The following GPHN variants were observed in gnomAD, a reference collection of about 807,000 sequenced individuals.
GPHN encodes the protein gephyrin.
A neutral mutation model predicts 95.5 loss-of-function variants in GPHN; 17 were observed. The ratio of observed to expected loss-of-function variants is 0.18; its 90% CI spans 0.12 to 0.27. The LOEUF (loss-of-function observed/expected upper bound fraction) is 0.27, where lower values mean the gene tolerates loss of function less well. GPHN is among the 10% of genes least tolerant of loss of function. The pLI, the probability that GPHN is intolerant of heterozygous loss-of-function variation, is 1.00. For synonymous variants in GPHN, 320 were observed against 322.5 expected, an observed-to-expected ratio of 0.99 and a Z score of 0.08; for missense variants, 660 against 978.1, an observed-to-expected ratio of 0.67 and a Z score of 4.34.
intron 5 of GPHN, among the ~76,000 whole-genome samples, chr14:66,880,603 C>T (rs567722471): frequency 1.3e-5 from 2 of 151,704 alleles, no homozygotes; most frequent in Admixed American, 6.6e-5. Context: ...AGCTTATATT[C>T]CAATTTATAA....
At chr14:66,929,796 C>G (rs1218943790) in intron 8 of GPHN, among the ~76,000 whole-genome samples, 7 of 151,928 alleles carry the variant, frequency 4.6e-5, no homozygotes, top group African/African-American at 1.2e-4. Context: ...ACTGCAGTCT[C>G]TGCCTCCCGG....
intron 3 of GPHN, among the ~76,000 whole-genome samples, chr14:66,804,484 A>T (rs989747248): frequency 6.6e-6 from 1 of 152,212 alleles, no homozygotes; most frequent in Non-Finnish European, 1.5e-5. Flanking sequence ...GCTTCTGTAT[A>T]CCACCAGAAT....
chr14:67,478,224 G>T, the GPHN span, among the ~76,000 whole-genome samples: 6 of 152,230 alleles, frequency 3.9e-5, no homozygotes, highest in Admixed American at 1.3e-4. Context: ...GGCAAGGGCA[G>T]AGGCACAAAG....
At chr14:67,001,948 C>G (rs542684614) in intron 9 of GPHN, among the ~76,000 whole-genome samples, 62 of 151,696 alleles carry the variant, frequency 4.1e-4, no homozygotes, top group Non-Finnish European at 7.2e-4. Context: ...CCTAAACATG[C>G]ATTTGGGTGA....
chr14:67,654,930 G>A, the GPHN span, among the ~76,000 whole-genome samples: 3 of 150,712 alleles, frequency 2.0e-5, no homozygotes, highest in African/African-American at 4.9e-5. Context: ...TCGGGAGGCC[G>A]AGGCAGGAGA....
chr14:67,324,966 G>A, the GPHN span, among the ~76,000 whole-genome samples: 2 of 134,580 alleles, frequency 1.5e-5, no homozygotes, highest in South Asian at 2.5e-4. Flanking sequence ...GTGCAGTAGC[G>A]CAATCTCGGC....
the GPHN span, among the ~76,000 whole-genome samples, chr14:67,273,148 G>A: frequency 4.0e-5 from 6 of 151,360 alleles, no homozygotes; most frequent in Admixed American, 2.6e-4. Flanking sequence ...TTAAGTTCTA[G>A]GGTACATGTG....
At chr14:67,683,481 T>A in the GPHN span, among the ~76,000 whole-genome samples, 4 of 152,224 alleles carry the variant, frequency 2.6e-5, no homozygotes, top group Non-Finnish European at 5.9e-5. Flanking sequence ...AGTGGACAAC[T>A]GTTACTCTTT....
At chr14:67,540,341 A>G in the GPHN span, among the ~76,000 whole-genome samples, 1 of 152,166 alleles carries the variant, frequency 6.6e-6, no homozygotes, top group East Asian at 1.9e-4. Flanking sequence ...TAAAAATATT[A>G]TCGGCCGGGT....
chr14:66,545,986 G>T lies in GPHN; in HGVS notation c.64+37395G>T, dbSNP rs188777869. Reference sequence around the variant, plus strand: ...CTCACTTCTCAGACGGGGCGGCTTCGGGGGGGAGGGGCTCCTCACTTCTCA... The same window carrying T: ...CTCACTTCTCAGACGGGGCGGCTTCTGGGGGGAGGGGCTCCTCACTTCTCA... On this transcript the variant is annotated intron_variant, in intron 1 of 22. Transcript: ENST00000478722. 3.6e-3 allele frequency among the ~76,000 whole-genome samples: 538 copies of T among 147,920 alleles called. 13 individuals carry two copies. Among genetic ancestry groups the T allele is most frequent in the African/African-American group, 0.013 (513 of 39,296 alleles).
the GPHN span, chr14:67,586,402 C>T: frequency 1.1e-5 from 15 of 1,349,302 alleles, no homozygotes; most frequent in East Asian, 4.4e-5. Context: ...TGGGTGCTTA[C>T]GTGCTCTTCT....
At chr14:66,683,327 G>GAA (rs1300906441) in intron 2 of GPHN, among the ~76,000 whole-genome samples, 2 of 1,984 alleles carry the variant, frequency 1.0e-3, no homozygotes, top group Non-Finnish European at 2.5e-3. Context: ...GCCCAATGTG[G>GAA]AAATATATAT....
At chr14:66,944,178 G>T (rs898361942) in intron 8 of GPHN, among the ~76,000 whole-genome samples, 1 of 152,090 alleles carries the variant, frequency 6.6e-6, no homozygotes, top group Non-Finnish European at 1.5e-5. Flanking sequence ...CTTACTACCC[G>T]ACTTTAGCGA....
At chr14:66,521,370 T>G (rs1308323865) in intron 1 of GPHN, among the ~76,000 whole-genome samples, 1 of 152,114 alleles carries the variant, frequency 6.6e-6, no homozygotes, top group African/African-American at 2.4e-5. Context: ...GAGGCTTGAT[T>G]GGCCAGGTCT....
chr14:67,732,599 G>C, the GPHN span, among the ~76,000 whole-genome samples: 1 of 149,888 alleles, frequency 6.7e-6, no homozygotes, highest in Non-Finnish European at 1.5e-5. Flanking sequence ...TTTTTGAGAC[G>C]GAGTTTCGGT....
chr14:66,794,790 G>A lies in GPHN; in HGVS notation c.201+18269G>A, dbSNP rs569869408. Among the ~76,000 whole-genome samples, 5 of 152,194 alleles carry A rather than the reference G, an allele frequency of 3.3e-5. No individual in the cohort carries two copies. In the East Asian group the frequency reaches 5.8e-4, roughly 18 times the overall value. ...ATTTGGCAATGGTTGGTTTACTGTTGCATATATGTACATTAGGACAAATTT... is the reference window on the plus strand; with the variant it reads ...ATTTGGCAATGGTTGGTTTACTGTTACATATATGTACATTAGGACAAATTT... On this transcript the variant is annotated intron_variant, in intron 3 of 22. Transcript: ENST00000478722.
chr14:66,798,880 G>A (rs888761592), intron 3 of GPHN, among the ~76,000 whole-genome samples: 1 of 150,776 alleles, frequency 6.6e-6, no homozygotes, highest in African/African-American at 2.4e-5. Flanking sequence ...GCCCTTGCTT[G>A]TCTAGTTCTT....
At chr14:67,355,289 TCTC>T in the GPHN span, among the ~76,000 whole-genome samples, 1 of 151,324 alleles carries the variant, frequency 6.6e-6, no homozygotes, top group Non-Finnish European at 1.5e-5. Context: ...TACACTGAAG[TCTC>T]CTCACTTCCT....
intron 2 of GPHN, among the ~76,000 whole-genome samples, chr14:66,738,737 A>G (rs1250515381): frequency 1.3e-5 from 2 of 152,162 alleles, no homozygotes; most frequent in Non-Finnish European, 2.9e-5. Context: ...ATTTATTCCC[A>G]TAATAAATAT....
Sources: allele counts gnomAD v4.1 joint callset (sites outside exome capture counted in the v4.1 genomes callset), GRCh38; gene constraint gnomAD v4.1.1; transcripts MANE v1.5; gene names NCBI Gene and HGNC (gene_info 2026-07-23, HGNC 2026-07-21).